Variants in NRXN1 observed in about 807,000 individuals in gnomAD.
NRXN1 encodes neurexin 1.
A neutral mutation model predicts 150.9 loss-of-function variants in NRXN1; 39 were observed. That is an observed-to-expected ratio of 0.26 (90% CI 0.20 to 0.34). The LOEUF (loss-of-function observed/expected upper bound fraction) is 0.34. Among genes scored for constraint, NRXN1 ranks in the 10% least tolerant of loss-of-function variants. The probability of loss-of-function intolerance (pLI) is 1.00; values close to 1 mark genes in which losing one functional copy is unlikely to be tolerated. For synonymous variants in NRXN1, 924 were observed against 757.0 expected (o/e 1.22, Z -3.62); for missense variants, 1,815 against 1,949.9 (o/e 0.93, Z 1.30).
intron 5 of NRXN1, among the ~76,000 whole-genome samples, chr2:50,631,603 T>A (rs1300043454): frequency 6.6e-6 from 1 of 151,908 alleles, no homozygotes; most frequent in Non-Finnish European, 1.5e-5. Context: ...AGCTTAAATT[T>A]GAGGATATTT....
At chr2:50,573,702 C>T (rs1163619939) in intron 8 of NRXN1, among the ~76,000 whole-genome samples, 4 of 150,944 alleles carry the variant, frequency 2.6e-5, no homozygotes, top group Admixed American at 2.0e-4. Context: ...TGAAAATCTG[C>T]GCTTATAGAT....
At chr2:50,570,355 G>A (rs1393938267) in intron 8 of NRXN1, among the ~76,000 whole-genome samples, 5 of 152,094 alleles carry the variant, frequency 3.3e-5, no homozygotes, top group African/African-American at 1.2e-4. Flanking sequence ...CCATAGCACT[G>A]GTACACAGGT....
At chr2:50,348,723 G>C (rs995048765) in intron 17 of NRXN1, among the ~76,000 whole-genome samples, 3 of 152,182 alleles carry the variant, frequency 2.0e-5, no homozygotes, top group African/African-American at 4.8e-5. Context: ...AAGTGAACTT[G>C]GCTAGGAGGA....
intron 11 of NRXN1, among the ~76,000 whole-genome samples, chr2:50,529,652 G>A (rs1388415392): frequency 6.6e-6 from 1 of 152,164 alleles, no homozygotes; most frequent in African/African-American, 2.4e-5. Flanking sequence ...AAAAGTGGTT[G>A]CAAACAGCCA....
chr2:50,854,892 A>G (rs1675043256), intron 5 of NRXN1, among the ~76,000 whole-genome samples: 1 of 152,068 alleles, frequency 6.6e-6, no homozygotes, highest in Non-Finnish European at 1.5e-5. Context: ...AAGAAAGAAC[A>G]ATGAGCCTGG....
chr2:50,115,366 C>T (rs898147341), intron 18 of NRXN1, among the ~76,000 whole-genome samples: 2 of 151,572 alleles, frequency 1.3e-5, no homozygotes, highest in Middle Eastern at 3.4e-3. Context: ...GGAGTTTACC[C>T]GAGATTACGT....
intron 18 of NRXN1, among the ~76,000 whole-genome samples, chr2:50,099,978 A>G (rs1429398911): frequency 1.3e-5 from 2 of 152,152 alleles, no homozygotes; most frequent in Admixed American, 6.5e-5. Flanking sequence ...CCTAAATGTA[A>G]GGCAAAGCAG....
intron 5 of NRXN1, among the ~76,000 whole-genome samples, chr2:50,857,251 G>A (rs1045130593): frequency 1.3e-5 from 2 of 151,992 alleles, no homozygotes; most frequent in Non-Finnish European, 2.9e-5. Flanking sequence ...GATATTGTCA[G>A]GATAAACTAA....
chr2:50,970,496 T>C (rs1157402379), intron 2 of NRXN1, among the ~76,000 whole-genome samples: 1 of 152,062 alleles, frequency 6.6e-6, no homozygotes, highest in African/African-American at 2.4e-5. Flanking sequence ...CAAAACACAT[T>C]AAAACCAATT....
At chr2:50,632,171 TTC>T (rs1465320534) in intron 5 of NRXN1, among the ~76,000 whole-genome samples, 2 of 152,002 alleles carry the variant, frequency 1.3e-5, no homozygotes, top group African/African-American at 2.4e-5. Flanking sequence ...AGGCAATATA[TTC>T]TGAGCAATTT....
At chr2:50,023,406 A>G (rs1215238419) in intron 21 of NRXN1, 1 of 152,186 alleles carries the variant, frequency 6.6e-6, no homozygotes, top group Non-Finnish European at 1.5e-5. Context: ...AAAGGAACCC[A>G]AGAACATTTA....
chr2:50,681,743 T>C (rs577951519), intron 5 of NRXN1, among the ~76,000 whole-genome samples: 58 of 152,322 alleles, frequency 3.8e-4, no homozygotes, highest in African/African-American at 1.2e-3. Context: ...CTAATAAATA[T>C]ACTGGGCAGC....
intron 18 of NRXN1, among the ~76,000 whole-genome samples, chr2:50,117,457 G>A (rs1001874275): frequency 6.6e-6 from 1 of 152,088 alleles, no homozygotes; most frequent in African/African-American, 2.4e-5. Context: ...CTGTGAGTAA[G>A]CAATATAAGC....
At chr2:50,994,415 C>T (rs1369797939) in intron 2 of NRXN1, among the ~76,000 whole-genome samples, 1 of 151,984 alleles carries the variant, frequency 6.6e-6, no homozygotes, top group African/African-American at 2.4e-5. Context: ...TACTTAATCA[C>T]CTAGTCAAAA....
intron 17 of NRXN1, among the ~76,000 whole-genome samples, chr2:50,334,087 T>C (rs935235663): frequency 6.6e-6 from 1 of 151,462 alleles, no homozygotes; most frequent in Non-Finnish European, 1.5e-5. Flanking sequence ...GATATGCTCC[T>C]CTCTGGCAAC....
intron 18 of NRXN1, among the ~76,000 whole-genome samples, chr2:50,166,623 T>C (rs974167757): frequency 2.0e-5 from 3 of 152,156 alleles, no homozygotes; most frequent in Non-Finnish European, 4.4e-5. Context: ...CTACTAACTT[T>C]GTAGTAATCT....
intron 18 of NRXN1, among the ~76,000 whole-genome samples, chr2:50,225,354 A>T (rs2064269687): frequency 6.6e-6 from 1 of 152,002 alleles, no homozygotes; most frequent in South Asian, 2.1e-4. Context: ...GCATCTACTA[A>T]GCACCATGCT....
chr2:50,358,436 T>C (rs539892590), intron 17 of NRXN1, among the ~76,000 whole-genome samples: 1 of 152,250 alleles, frequency 6.6e-6, no homozygotes, highest in East Asian at 1.9e-4. Context: ...TAGGTGGTTT[T>C]CCCCTCACAA....
At position 50,115,100 on chromosome 2, in the gene NRXN1, T is replaced by C. The variant is rs553051254; in HGVS notation, c.3547-23606A>G. ...ATGTTGATGGTGGGGAGACTGTGCA[T>C]GTGTAGGAGCAGAGAGTATTTGGAA... On this transcript the variant is annotated intron_variant, in intron 18 of 22. Transcript: ENST00000401669. Among the ~76,000 whole-genome samples the C allele has an allele frequency of 1.7e-4, 26 of 151,576 alleles. No individual in the cohort carries two copies. In the South Asian group the frequency reaches 5.4e-3, roughly 32 times the overall value.
Sources: allele counts gnomAD v4.1 joint callset (sites outside exome capture counted in the v4.1 genomes callset), GRCh38; gene constraint gnomAD v4.1.1; transcripts MANE v1.5; gene names NCBI Gene and HGNC (gene_info 2026-07-23, HGNC 2026-07-21).